Variants in ZNF354B observed in about 807,000 individuals in gnomAD.
The protein encoded by ZNF354B is zinc finger protein 354B.
A neutral mutation model predicts 12.9 loss-of-function variants in ZNF354B; 10 were observed. The ratio of observed to expected loss-of-function variants is 0.77; its 90% CI spans 0.48 to 1.31. ZNF354B has a LOEUF of 1.31. Among genes scored for constraint, ZNF354B ranks in the 40% most tolerant of loss-of-function variants. ZNF354B has a pLI of 0.00. For missense variants in ZNF354B, 614 were observed against 711.7 expected, an observed-to-expected ratio of 0.86 and a Z score of 1.56; for synonymous variants, 260 against 243.7, an observed-to-expected ratio of 1.07 and a Z score of -0.62.
chr5:178,861,379 C>G (rs1019245089), intron 2 of ZNF354B, among the ~76,000 whole-genome samples: 1 of 152,154 alleles, frequency 6.6e-6, no homozygotes, highest in African/African-American at 2.4e-5. Context: ...GGGAAAAATC[C>G]CTGCCTCCTC....
rs755667051 is a variant in ZNF354B at position 178,883,602 on chromosome 5, T to A, written c.1150T>A (p.Cys384Ser). 9 of 1,613,550 alleles carry A rather than the reference T, an allele frequency of 5.6e-6. No individual in the cohort carries two copies. The South Asian group carries it at 9.9e-5, about 18-fold the overall frequency. Reference sequence around the variant, plus strand: ...TCACACTGGAGAGAAGCCTTTTAAATGTAGTGAATGTGGGAGAGCCTTCAG... The same window carrying A: ...TCACACTGGAGAGAAGCCTTTTAAAAGTAGTGAATGTGGGAGAGCCTTCAG... ...RIHTGEKPFK[C>S]SECGRAFSQS... Residue 384 changes from cysteine (C) to serine (S), a missense_variant, in exon 5 of 5, where the codon TGT becomes AGT. Transcript: ENST00000322434.
chr5:178,884,323 A>G lies in ZNF354B; in HGVS notation c.*32A>G, dbSNP rs746585082. The G allele has an allele frequency of 2.6e-6, 4 of 1,533,374 alleles. No individual in the cohort carries two copies. Among genetic ancestry groups the G allele is most frequent in the Non-Finnish European group, 3.5e-6 (4 of 1,144,944 alleles). 95.0% of individuals were successfully genotyped at this position (1,533,374 alleles called of 1,614,324 possible). A position where few individuals can be genotyped will look rare whatever the true frequency, so the allele number is the denominator to read the frequency against. ...TAAACCAAAACTCATCAGAGAATACATGCTTGAGAGTGATTTATTAAATAT... is the reference window on the plus strand; with the variant it reads ...TAAACCAAAACTCATCAGAGAATACGTGCTTGAGAGTGATTTATTAAATAT... On this transcript the variant is annotated 3_prime_UTR_variant, in exon 5 of 5. Transcript: ENST00000322434.
Position 178,882,950 on chromosome 5 carries a change from C to A in ZNF354B, c.498C>A (p.Asn166Lys). 6.2e-7 allele frequency: 1 copy of A among 1,603,424 alleles called. No homozygotes were observed. The highest frequency in any genetic ancestry group is 8.5e-7 in the Non-Finnish European group (1 of 1,177,456). Residue 166 changes from asparagine to lysine, a missense_variant, in exon 5 of 5, where the codon AAC becomes AAA. Physicochemically the swap from Asn to Lys is moderately conservative, Grantham distance 94 (BLOSUM62 0). Transcript: ENST00000322434. ...RSHKNVEFGQ[N>K]FYLKSVFIKQ... Reference sequence around the variant, plus strand: ...ATAAAAATGTTGAATTTGGCCAAAACTTCTACCTGAAATCAGTCTTCATTA... The same window carrying A: ...ATAAAAATGTTGAATTTGGCCAAAAATTCTACCTGAAATCAGTCTTCATTA...
At chr5:178,876,041 G>A (rs1028377247) in intron 4 of ZNF354B, among the ~76,000 whole-genome samples, 1 of 152,220 alleles carries the variant, frequency 6.6e-6, no homozygotes, top group Non-Finnish European at 1.5e-5. Flanking sequence ...TGGCTGTAGT[G>A]TACTAGAGGT....
intron 4 of ZNF354B, among the ~76,000 whole-genome samples, chr5:178,873,870 T>C (rs983788803): frequency 6.6e-5 from 10 of 152,160 alleles, no homozygotes; most frequent in African/African-American, 7.2e-5. Flanking sequence ...GAACATGATA[T>C]GTCGTTCTAT....
chr5:178,865,391 C>A (rs1757431833), intron 2 of ZNF354B, among the ~76,000 whole-genome samples: 1 of 152,138 alleles, frequency 6.6e-6, no homozygotes, highest in Non-Finnish European at 1.5e-5. Flanking sequence ...CCTCAGCCTC[C>A]TGAGTAGCTG....
intron 4 of ZNF354B, among the ~76,000 whole-genome samples, chr5:178,873,954 CTTT>C: frequency 7.5e-6 from 1 of 132,998 alleles, no homozygotes; most frequent in Middle Eastern, 3.8e-3. Context: ...TTTTTTTTTT[CTTT>C]TTTTTTTTTT....
intron 2 of ZNF354B, among the ~76,000 whole-genome samples, chr5:178,864,066 A>T (rs1757407211): frequency 1.3e-5 from 2 of 152,216 alleles, no homozygotes; most frequent in African/African-American, 4.8e-5. Context: ...AGAAAACTTT[A>T]AAAAAATAAA....
intron 4 of ZNF354B, 68 bp from the exon 5 acceptor site, chr5:178,882,641 T>G (rs1053593107): frequency 4.4e-5 from 64 of 1,466,826 alleles, no homozygotes; most frequent in Non-Finnish European, 5.3e-5. Flanking sequence ...AATTAATCCC[T>G]TCTACACATT....
chr5:178,861,392 C>G (rs913257187), intron 2 of ZNF354B, among the ~76,000 whole-genome samples: 15 of 152,246 alleles, frequency 9.9e-5, no homozygotes, highest in African/African-American at 3.6e-4. Context: ...GCCTCCTCCA[C>G]TCACCCATGT....
At chr5:178,861,358 C>G (rs1162187697) in intron 2 of ZNF354B, among the ~76,000 whole-genome samples, 2 of 151,548 alleles carry the variant, frequency 1.3e-5, no homozygotes, top group African/African-American at 4.8e-5. Context: ...TAAGAGCAAA[C>G]GTACACACGT....
chr5:178,881,344 A>G (rs1452028802), intron 4 of ZNF354B, among the ~76,000 whole-genome samples: 2 of 152,112 alleles, frequency 1.3e-5, no homozygotes, highest in Non-Finnish European at 2.9e-5. Context: ...AGCCCACCCT[A>G]TCCACACAAC....
intron 4 of ZNF354B, among the ~76,000 whole-genome samples, chr5:178,871,268 C>T (rs1757559931): frequency 6.6e-6 from 1 of 152,182 alleles, no homozygotes; most frequent in Non-Finnish European, 1.5e-5. Flanking sequence ...TCACCCTTGG[C>T]CGCCCTGCTG....
intron 2 of ZNF354B, among the ~76,000 whole-genome samples, chr5:178,864,929 A>AT (rs146122044): frequency 0.15 from 22,531 of 151,974 alleles, 2,049 homozygotes; most frequent in African/African-American, 0.25. Flanking sequence ...GGCCAGAAAC[A>AT]TTTTTTTGAA....
At chr5:178,871,782 GT>G (rs1482224648) in intron 4 of ZNF354B, among the ~76,000 whole-genome samples, 10 of 152,160 alleles carry the variant, frequency 6.6e-5, no homozygotes, top group Admixed American at 2.0e-4. Flanking sequence ...AGGGATGCTT[GT>G]TTTGTTTCTG....
At chr5:178,882,507 G>T (rs1054937806) in intron 4 of ZNF354B, among the ~76,000 whole-genome samples, 1 of 151,972 alleles carries the variant, frequency 6.6e-6, no homozygotes, top group Non-Finnish European at 1.5e-5. Context: ...ACACTCACCC[G>T]CCTTAACTGA....
At chr5:178,861,682 C>G (rs559637197) in intron 2 of ZNF354B, among the ~76,000 whole-genome samples, 1 of 152,058 alleles carries the variant, frequency 6.6e-6, no homozygotes, top group East Asian at 1.9e-4. Context: ...GACCCCTCAG[C>G]TAGCGGCAGG....
chr5:178,860,397 G>A lies in ZNF354B; in HGVS notation c.-52+270G>A, dbSNP rs1345906144. 6.9e-5 allele frequency among the ~76,000 whole-genome samples: 10 copies of A among 145,932 alleles called. 1 individual carries two copies. The highest frequency in any genetic ancestry group is 6.2e-5 in the Non-Finnish European group (4 of 64,478). On this transcript the variant is annotated intron_variant, in intron 1 of 4. Transcript: ENST00000322434. ...CTGCGCGCGCCGTGTGGGCCTCGCG[G>A]ACTCGGGGCGCCGGGACCCCGAGCG... is the stretch of plus-strand genomic sequence containing the variant.
chr5:178,882,095 T>G (rs1243689376), intron 4 of ZNF354B, among the ~76,000 whole-genome samples: 1 of 152,236 alleles, frequency 6.6e-6, no homozygotes, highest in South Asian at 2.1e-4. Context: ...TGTATTCTAT[T>G]ATGTTGAGGA....
Sources: allele counts gnomAD v4.1 joint callset (sites outside exome capture counted in the v4.1 genomes callset), GRCh38; gene constraint gnomAD v4.1.1; transcripts MANE v1.5; gene names NCBI Gene and HGNC (gene_info 2026-07-23, HGNC 2026-07-21).